SLC35F1: variants seen among roughly 807,000 people sequenced by gnomAD.
The protein encoded by SLC35F1 is chromosome 6 open reading frame 169.
A neutral mutation model predicts 48.7 loss-of-function variants in SLC35F1; 14 were observed. That is an observed-to-expected ratio of 0.29 (90% CI 0.19 to 0.45). SLC35F1 has a LOEUF of 0.45. SLC35F1 is among the 20% of genes least tolerant of loss of function. The pLI, the probability that SLC35F1 is intolerant of heterozygous loss-of-function variation, is 1.00. For synonymous variants in SLC35F1, 190 were observed against 202.2 expected, an observed-to-expected ratio of 0.94 and a Z score of 0.51; for missense variants, 404 against 500.0, an observed-to-expected ratio of 0.81 and a Z score of 1.83.
At chr6:117,965,361 T>C (rs1020586646) in intron 1 of SLC35F1, among the ~76,000 whole-genome samples, 1 of 152,190 alleles carries the variant, frequency 6.6e-6, no homozygotes, top group Admixed American at 6.5e-5. Flanking sequence ...GGAGCAAACA[T>C]TGAGCTACTG....
intron 1 of SLC35F1, among the ~76,000 whole-genome samples, chr6:118,083,120 G>T (rs1221315302): frequency 6.6e-6 from 1 of 152,178 alleles, no homozygotes. Flanking sequence ...TGTAATCTGT[G>T]GGGAGTCACA....
At chr6:118,110,125 T>G (rs1412149985) in intron 1 of SLC35F1, among the ~76,000 whole-genome samples, 1 of 152,180 alleles carries the variant, frequency 6.6e-6, no homozygotes, top group Non-Finnish European at 1.5e-5. Flanking sequence ...GATCTCTTGG[T>G]GGCTTTTATA....
chr6:118,285,680 C>T (rs1226901604), intron 7 of SLC35F1, among the ~76,000 whole-genome samples: 1 of 152,210 alleles, frequency 6.6e-6, no homozygotes, highest in Non-Finnish European at 1.5e-5. Flanking sequence ...TCCCAGACTA[C>T]AGCTGCAAAA....
Position 118,275,459 on chromosome 6 carries a change from G to A in SLC35F1, c.638G>A (p.Gly213Glu), listed in dbSNP as rs1374136077. ...GTTTGTTTGTTTGGTTGGTTCCTAG[G>A]GGAAAATAAGCTGGTAGGGGACCTT... ...DVLVGRHQGA[G>E]ENKLVGDLLV... Residue 213 changes from glycine (G) to glutamate (E), a missense_variant and splice_region_variant, in exon 5 of 8, where the codon GGG becomes GAG. Gly to Glu is a moderately conservative substitution (Grantham distance 98). Coordinates refer to ENST00000360388, the MANE Select transcript of SLC35F1 (RefSeq NM_001029858.4). The A allele has an allele frequency of 6.2e-7, 1 of 1,609,338 alleles. No homozygotes were observed. The highest frequency in any genetic ancestry group is 1.3e-5 in the African/African-American group (1 of 74,822).
chr6:117,986,836 A>T (rs1776854225), intron 1 of SLC35F1, among the ~76,000 whole-genome samples: 1 of 152,226 alleles, frequency 6.6e-6, no homozygotes, highest in Admixed American at 6.5e-5. Context: ...CATCACTGGC[A>T]GCTCCTACTG....
At chr6:118,133,496 G>T (rs1480837241) in intron 1 of SLC35F1, among the ~76,000 whole-genome samples, 1 of 152,088 alleles carries the variant, frequency 6.6e-6, no homozygotes, top group African/African-American at 2.4e-5. Context: ...TTATAGAAAG[G>T]TTAATCATAT....
chr6:118,162,027 A>G (rs746915017), intron 2 of SLC35F1, among the ~76,000 whole-genome samples: 3 of 152,170 alleles, frequency 2.0e-5, no homozygotes, highest in Non-Finnish European at 4.4e-5. Context: ...TTTTTACAAG[A>G]GATGAAAACA....
At chr6:117,974,810 CAG>C (rs1356588487) in intron 1 of SLC35F1, among the ~76,000 whole-genome samples, 2 of 152,084 alleles carry the variant, frequency 1.3e-5, no homozygotes, top group African/African-American at 2.4e-5. Context: ...CAAAATAAAA[CAG>C]AAAGTGAGAA....
intron 1 of SLC35F1, among the ~76,000 whole-genome samples, chr6:117,987,849 C>A (rs1450950149): frequency 1.3e-5 from 2 of 152,062 alleles, no homozygotes; most frequent in African/African-American, 4.8e-5. Context: ...AAATAACTGA[C>A]AATATTCATT....
intron 6 of SLC35F1, among the ~76,000 whole-genome samples, chr6:118,280,882 A>AAT (rs59853510): frequency 2.6e-4 from 40 of 151,056 alleles, no homozygotes; most frequent in Admixed American, 1.3e-3. Flanking sequence ...AAAAAAAAAA[A>AAT]CAATACACCT....
intron 1 of SLC35F1, among the ~76,000 whole-genome samples, chr6:118,130,203 T>A (rs1302821041): frequency 6.6e-6 from 1 of 152,192 alleles, no homozygotes; most frequent in African/African-American, 2.4e-5. Context: ...TGGGTTGTTG[T>A]GAAGATGAGA....
intron 1 of SLC35F1, among the ~76,000 whole-genome samples, chr6:117,916,342 T>TA (rs1301370154): frequency 2.0e-5 from 3 of 152,208 alleles, no homozygotes; most frequent in African/African-American, 4.8e-5. Flanking sequence ...TATGAATTGT[T>TA]AAAAAACGGG....
chr6:118,152,142 G>A (rs542237887), intron 1 of SLC35F1, among the ~76,000 whole-genome samples: 1 of 152,136 alleles, frequency 6.6e-6, no homozygotes, highest in Non-Finnish European at 1.5e-5. Context: ...GAGTGACATA[G>A]AAGCCAAATC....
intron 1 of SLC35F1, among the ~76,000 whole-genome samples, chr6:118,115,492 A>G (rs924349445): frequency 1.3e-5 from 2 of 152,228 alleles, no homozygotes; most frequent in African/African-American, 2.4e-5. Context: ...AATACACACA[A>G]CATTTAACAT....
At chr6:117,928,823 A>T (rs996371855) in intron 1 of SLC35F1, among the ~76,000 whole-genome samples, 4 of 152,152 alleles carry the variant, frequency 2.6e-5, no homozygotes, top group African/African-American at 9.7e-5. Context: ...TCTCACCAGT[A>T]CTACAAAGGG....
At position 118,286,706 on chromosome 6, in the gene SLC35F1, G is replaced by C. The variant is rs1438326792; in HGVS notation, c.1002+1368G>C. On this transcript the variant is annotated intron_variant, in intron 7 of 7. Transcript: ENST00000360388. ...TGTACAACATGATTTTTGGATGTAT[G>C]TATACATTGTGAAATGTTCACCACA... is the stretch of plus-strand genomic sequence containing the variant. Among the ~76,000 whole-genome samples, 4 of 152,010 alleles carry C rather than the reference G, an allele frequency of 2.6e-5. No individual in the cohort carries two copies. In the East Asian group the frequency reaches 7.7e-4, roughly 29 times the overall value.
intron 1 of SLC35F1, among the ~76,000 whole-genome samples, chr6:118,002,252 C>T (rs966148702): frequency 3.2e-4 from 48 of 152,136 alleles, no homozygotes; most frequent in African/African-American, 1.1e-3. Flanking sequence ...ACATATACAC[C>T]ATGGAATACT....
rs544257737 is a variant in SLC35F1, at chr6:118,030,723, G to C, written c.173+122824G>C. 7.9e-5 allele frequency among the ~76,000 whole-genome samples: 12 copies of C among 152,176 alleles called. No homozygotes were observed. The South Asian group carries it at 2.5e-3, about 32-fold the overall frequency. On this transcript the variant is annotated intron_variant, in intron 1 of 7. Coordinates refer to ENST00000360388, the MANE Select transcript of SLC35F1 (RefSeq NM_001029858.4). The stretch of plus-strand genomic sequence containing the variant: ...GGATTTGTTGGAGATCTTTCTGCTA[G>C]GGATTCTCTCAAATGTAATTTATAA...
chr6:118,022,147 A>C (rs902875908), intron 1 of SLC35F1, among the ~76,000 whole-genome samples: 1 of 152,256 alleles, frequency 6.6e-6, no homozygotes, highest in Admixed American at 6.5e-5. Flanking sequence ...AACTAAAAAA[A>C]GTTTGCAGTA....
Sources: gnomAD v4.1 joint callset for allele counts (sites outside exome capture counted in the v4.1 genomes callset) on GRCh38, gnomAD v4.1.1 for gene constraint, MANE v1.5 for transcripts, NCBI Gene and HGNC (gene_info 2026-07-23, HGNC 2026-07-21) for gene names.